The following ZGRF1 variants were observed in gnomAD, a reference collection of about 807,000 sequenced individuals.
The protein encoded by ZGRF1 is 5'-3' DNA helicase ZGRF1.
Under a neutral mutation model 203.5 loss-of-function variants are expected in ZGRF1, and 196 were observed. The ratio of observed to expected loss-of-function variants is 0.96; its 90% confidence interval spans 0.86 to 1.08. ZGRF1 has a LOEUF of 1.08. ZGRF1 is among the 50% of genes least tolerant of loss of function. ZGRF1 has a pLI of 0.00. For synonymous variants in ZGRF1, 809 were observed against 841.3 expected, an observed-to-expected ratio of 0.96 and a Z score of 0.66; for missense variants, 2,326 against 2,416.3, an observed-to-expected ratio of 0.96 and a Z score of 0.78.
intron 1 of ZGRF1, among the ~76,000 whole-genome samples, chr4:112,634,682 G>A (rs528185619): frequency 4.0e-5 from 6 of 151,868 alleles, no homozygotes; most frequent in Admixed American, 2.0e-4. Context: ...AGGCGGGGGC[G>A]GTGAAGTGCA....
Position 112,620,757 on chromosome 4 carries a change from G to T in ZGRF1, c.163-567C>A, listed in dbSNP as rs1012142939. On this transcript the variant is annotated intron_variant, in intron 4 of 27. Coordinates refer to ENST00000505019, the MANE Select transcript of ZGRF1 (RefSeq NM_018392.5). Reference sequence around the variant, plus strand: ...ATGCACCTATAGTCCCAGCTATTTGGGGGGAATGAGGTGGGAGGATGATTT... The same window carrying T: ...ATGCACCTATAGTCCCAGCTATTTGTGGGGAATGAGGTGGGAGGATGATTT... 7.3e-5 allele frequency among the ~76,000 whole-genome samples: 11 copies of T among 151,344 alleles called. 1 individual carries two copies. The highest frequency in any genetic ancestry group is 6.8e-3 in the Middle Eastern group (2 of 292).
At chr4:112,610,998 T>C (rs189374510) in intron 7 of ZGRF1, 230 of 253,430 alleles carry the variant, frequency 9.1e-4, no homozygotes, top group African/African-American at 5.2e-3. Context: ...AGGGTAGGTT[T>C]TATTTTTTTC....
At chr4:112,611,140 T>G (rs1351816088) in intron 7 of ZGRF1, 1 of 166,844 alleles carries the variant, frequency 6.0e-6, no homozygotes, top group East Asian at 1.8e-4. Context: ...TGGTGGCTCA[T>G]GCCTGTAATC....
At chr4:112,615,986 C>A (rs182226370) in intron 6 of ZGRF1, among the ~76,000 whole-genome samples, 2 of 152,228 alleles carry the variant, frequency 1.3e-5, no homozygotes, top group Admixed American at 1.3e-4. Context: ...TCAAACTTAA[C>A]TACATTTCAA....
At position 112,554,793 on chromosome 4, in the gene ZGRF1, GA is replaced by G; in HGVS notation, c.5121-12del. 7.1e-7 allele frequency: 1 copy of G among 1,402,150 alleles called. No individual in the cohort carries two copies. The highest frequency in any genetic ancestry group is 1.8e-4 in the Middle Eastern group (1 of 5,596). The allele number at this position is 1,402,150 out of a possible 1,614,324, so 86.9% of individuals were successfully genotyped here. A position where few individuals can be genotyped will look rare whatever the true frequency, so the allele number is the denominator to read the frequency against. On this transcript the variant is annotated splice_polypyrimidine_tract_variant and intron_variant, in intron 20 of 27. Transcript: ENST00000505019. ...CCAAGACTGAGAAGCCTTTAAATAA[GA>G]AAACAATATAGATTCTGATTATTTA...
chr4:112,596,222 T>G (rs1748982169), intron 10 of ZGRF1, among the ~76,000 whole-genome samples: 1 of 152,088 alleles, frequency 6.6e-6, no homozygotes, highest in African/African-American at 2.4e-5. Flanking sequence ...AATCCTGAAT[T>G]ACAATACAAT....
intron 10 of ZGRF1, among the ~76,000 whole-genome samples, chr4:112,594,613 C>T (rs914628533): frequency 6.6e-6 from 1 of 151,688 alleles, no homozygotes; most frequent in East Asian, 2.0e-4. Context: ...CCACCACGCC[C>T]AGCTAATTTT....
rs771542001 is a variant in ZGRF1 at position 112,589,853 on chromosome 4, T to C, written c.2998A>G (p.Ile1000Val). The change falls in exon 11 of 28, where the codon ATC becomes GTC. Residue 1000 changes from isoleucine to valine, a missense_variant. Physicochemically the swap from Ile to Val is conservative, Grantham distance 29. Transcript: ENST00000505019. ...FLQVTSPEEN[I>V]STLSPVSTFS... ...GTAGAAACAGGGCTCAATGTAGAGA[T>C]GTTTTCTTCTGGTGATGTCACCTAT... 5 of 1,604,154 alleles carry C rather than the reference T, an allele frequency of 3.1e-6. No individual in the cohort carries two copies. The South Asian group carries it at 3.4e-5, about 11-fold the overall frequency.
intron 6 of ZGRF1, among the ~76,000 whole-genome samples, chr4:112,614,870 C>T (rs947609692): frequency 1.2e-4 from 18 of 151,722 alleles, no homozygotes; most frequent in Non-Finnish European, 8.8e-5. Flanking sequence ...CTAGTGTTCC[C>T]AAGGGCAAGA....
intron 2 of ZGRF1, among the ~76,000 whole-genome samples, chr4:112,632,403 C>T (rs2047440941): frequency 6.6e-6 from 1 of 152,184 alleles, no homozygotes; most frequent in Non-Finnish European, 1.5e-5. Context: ...TACTAATAAT[C>T]TGTGCAGTTC....
chr4:112,594,120 C>T (rs1016599793), intron 10 of ZGRF1, among the ~76,000 whole-genome samples: 1 of 152,030 alleles, frequency 6.6e-6, no homozygotes, highest in Non-Finnish European at 1.5e-5. Context: ...TCCTACATAG[C>T]AATTATCTCA....
At chr4:112,540,302 T>C (rs1019442606) in intron 26 of ZGRF1, among the ~76,000 whole-genome samples, 178 bp from the exon 27 acceptor site, 2 of 152,188 alleles carry the variant, frequency 1.3e-5, no homozygotes, top group African/African-American at 2.4e-5. Context: ...GATAAAAATA[T>C]TAATTATGAC....
chr4:112,582,656 C>T lies in ZGRF1; in HGVS notation c.4299-854G>A, dbSNP rs77515914. Among the ~76,000 whole-genome samples, 594 of 152,060 alleles carry T rather than the reference C, an allele frequency of 3.9e-3. 14 individuals carry two copies. Among genetic ancestry groups the T allele is most frequent in the Admixed American group, 0.026 (396 of 15,266 alleles). ...GACGAGGTTTCATGAGACGACGTTT[C>T]ATCATGTTGCCCAGGCTGGTCTGGT... On this transcript the variant is annotated intron_variant, in intron 15 of 27. Coordinates refer to ENST00000505019, the MANE Select transcript of ZGRF1 (RefSeq NM_018392.5).
At chr4:112,547,174 A>G (rs1738968544) in intron 24 of ZGRF1, 111 bp downstream of exon 24, 1 of 1,105,800 alleles carries the variant, frequency 9.0e-7, no homozygotes, top group Non-Finnish European at 1.2e-6. Context: ...CCAATTATAC[A>G]TTATTTTAAG....
At chr4:112,599,506 G>A (rs1167559107) in intron 10 of ZGRF1, among the ~76,000 whole-genome samples, 2 of 151,474 alleles carry the variant, frequency 1.3e-5, no homozygotes, top group Non-Finnish European at 2.9e-5. Flanking sequence ...AGGACTGCTT[G>A]AGTCAGGAGT....
At chr4:112,619,748 G>C (rs1403623303) in intron 5 of ZGRF1, 58 bp from the exon 6 acceptor site, 8 of 1,325,216 alleles carry the variant, frequency 6.0e-6, no homozygotes, top group Non-Finnish European at 8.3e-6. Context: ...AATGTGAAAT[G>C]AACTGGCTAA....
At chr4:112,547,221 AAC>A (rs573665029) in intron 24 of ZGRF1, 62 bp downstream of exon 24, 8,195 of 1,360,242 alleles carry the variant, frequency 6.0e-3, no homozygotes, top group South Asian at 0.01. Flanking sequence ...ATTCTCTATC[AAC>A]ACACACACAC....
At chr4:112,598,863 C>T (rs1749477615) in intron 10 of ZGRF1, among the ~76,000 whole-genome samples, 1 of 151,920 alleles carries the variant, frequency 6.6e-6, no homozygotes, top group African/African-American at 2.4e-5. Flanking sequence ...CCAGCCTGGG[C>T]AACATGGTAA....
rs567313870 is a variant in ZGRF1, at chr4:112,544,820, C to T, written c.5598+2465G>A. Among the ~76,000 whole-genome samples the T allele has an allele frequency of 2.6e-5, 4 of 152,230 alleles. No homozygotes were observed. In the South Asian group the frequency reaches 8.3e-4, roughly 32 times the overall value. ...TGACCAATGGAAAAGAATAGAAAGT[C>T]CAGAAATAAACCCTTGTACATGTGC... On this transcript the variant is annotated intron_variant, in intron 24 of 27. Coordinates refer to ENST00000505019, the MANE Select transcript of ZGRF1 (RefSeq NM_018392.5).
Sources: gnomAD v4.1 joint callset for allele counts (sites outside exome capture counted in the v4.1 genomes callset) on GRCh38, gnomAD v4.1.1 for gene constraint, MANE v1.5 for transcripts, NCBI Gene and HGNC (gene_info 2026-07-23, HGNC 2026-07-21) for gene names.